CEP131: variants seen among roughly 807,000 people sequenced by gnomAD.
CEP131 encodes the protein centrosomal protein of 131 kDa.
In CEP131, 99 loss-of-function variants were observed where a neutral mutation model predicts 136.8. The observed-to-expected ratio is 0.72, with a 90% confidence interval of 0.62 to 0.86. CEP131 has a LOEUF of 0.86. Ranked by LOEUF, CEP131 falls within the 40% of genes least tolerant of loss-of-function variation. The probability of loss-of-function intolerance (pLI) is 0.00; values close to 1 mark genes in which losing one functional copy is unlikely to be tolerated. For synonymous variants in CEP131, 646 were observed against 612.7 expected, an observed-to-expected ratio of 1.05 and a Z score of -0.80; for missense variants, 1,459 against 1,463.0, an observed-to-expected ratio of 1.00 and a Z score of 0.04.
chr17:81,200,294 G>T, intron 8 of CEP131, 35 bp downstream of exon 8: 1 of 1,535,948 alleles, frequency 6.5e-7, no homozygotes, highest in South Asian at 1.2e-5. Flanking sequence ...AGACCCCCCG[G>T]GGGAGCATGG....
At chr17:81,207,323 C>A (rs1227477197) in intron 3 of CEP131, 84 bp from the exon 4 acceptor site, 2 of 1,242,032 alleles carry the variant, frequency 1.6e-6, no homozygotes, top group South Asian at 2.5e-5. Context: ...GCAGGTCCCG[C>A]GAGGACAGAG....
rs1483170889 is a variant in CEP131, at chr17:81,207,132, T to C, written c.380A>G (p.Asn127Ser). The C allele has an allele frequency of 1.9e-6, 3 of 1,612,076 alleles. No homozygotes were observed. The highest frequency in any genetic ancestry group is 1.7e-5 in the Admixed American group (1 of 59,536). The change falls in exon 4 of 26, where the codon AAC (asparagine) becomes AGC (serine). Residue 127 changes from asparagine to serine, a missense_variant. By Grantham distance (46) the Asn-to-Ser change is conservative. Around this residue, in one of 3 missense-constraint regions of CEP131, gnomAD observed 187 missense variants for 179.9 expected, o/e 1.04. Coordinates refer to ENST00000450824, the MANE Select transcript of CEP131 (RefSeq NM_014984.4). ...TAPSEKGATWNVLDDQPRGFT... is the reference protein window; with the variant it reads ...TAPSEKGATWSVLDDQPRGFT... ...CCGCATGCACCACCTTACCAGGACG[T>C]TCCAGGTGGCTCCCTTCTCGCTGGG... is the stretch of plus-strand genomic sequence containing the variant.
intron 2 of CEP131, among the ~76,000 whole-genome samples, chr17:81,211,807 C>G (rs1012417593): frequency 2.6e-4 from 39 of 152,116 alleles, no homozygotes; most frequent in Admixed American, 1.4e-3. Context: ...GTGGCATGCA[C>G]CTACAGTCCC....
At chr17:81,218,446 A>G (rs1005504386) in intron 2 of CEP131, among the ~76,000 whole-genome samples, 1 of 152,234 alleles carries the variant, frequency 6.6e-6, no homozygotes. Context: ...GGGGTCAGTG[A>G]CGCAGGAGCA....
At chr17:81,205,056 C>T (rs113636207) in intron 5 of CEP131, among the ~76,000 whole-genome samples, 3 of 151,902 alleles carry the variant, frequency 2.0e-5, no homozygotes, top group Non-Finnish European at 4.4e-5. Context: ...GTTAGGGGTT[C>T]GAGACCAGTC....
chr17:81,198,766 C>T, intron 11 of CEP131, 111 bp downstream of exon 11: 1 of 1,108,324 alleles, frequency 9.0e-7, no homozygotes, highest in South Asian at 1.4e-5. Flanking sequence ...GCTTAAGTGG[C>T]CCCTAGAGCA....
Position 81,215,711 on chromosome 17 carries a change from C to T in CEP131, c.177+4169G>A, listed in dbSNP as rs2062231429. Among the ~76,000 whole-genome samples the T allele has an allele frequency of 6.6e-6, 1 of 152,166 alleles. No individual in the cohort carries two copies. The highest frequency in any genetic ancestry group is 6.5e-5 in the Admixed American group (1 of 15,276). ...ACAGGCACGGGCCACCGCACCTGGCCCCCCTTTCAAAATTTTAAATGGACT... is the reference window on the plus strand; with the variant it reads ...ACAGGCACGGGCCACCGCACCTGGCTCCCCTTTCAAAATTTTAAATGGACT... On this transcript the variant is annotated intron_variant, in intron 2 of 25. Coordinates refer to ENST00000450824, the MANE Select transcript of CEP131 (RefSeq NM_014984.4). This position sits in a 1 kb window ranked among gnomAD's most constrained non-coding sequence, Gnocchi z 4.1.
At position 81,199,497 on chromosome 17, in the gene CEP131, C is replaced by A. The variant is rs773772896; in HGVS notation, c.1076G>T (p.Arg359Leu). The A allele has an allele frequency of 3.1e-6, 5 of 1,608,986 alleles. No individual in the cohort carries two copies. In the East Asian group the frequency reaches 1.1e-4, roughly 36 times the overall value. The change falls in exon 10 of 26, where the codon CGT becomes CTT. Residue 359 changes from arginine to leucine, a missense_variant. By Grantham distance (102) the Arg-to-Leu change is moderately radical. Coordinates refer to ENST00000450824, the MANE Select transcript of CEP131 (RefSeq NM_014984.4). Reference protein sequence around the residue: ...LRAQKASTAERGPPENPRETR... With the variant: ...LRAQKASTAELGPPENPRETR... ...CTCCCTGGGATTCTCAGGTGGCCCA[C>A]GCTCGGCAGTGCTCGCCTTCTGGGC...
At chr17:81,199,352 G>C (rs754402192) in intron 10 of CEP131, 29 bp downstream of exon 10, 2 of 1,574,254 alleles carry the variant, frequency 1.3e-6, no homozygotes, top group Non-Finnish European at 1.7e-6. Context: ...CCACCCCCCA[G>C]AGCAGGGCGG....
intron 16 of CEP131, among the ~76,000 whole-genome samples, chr17:81,195,406 G>A (rs1032057839): frequency 6.6e-6 from 1 of 152,246 alleles, no homozygotes; most frequent in African/African-American, 2.4e-5. Context: ...AAGCTGGTGG[G>A]AAGCATAGCC....
Position 81,192,576 on chromosome 17 carries a change from T to TCCAGCTCCGCCCGCTGCTA in CEP131, c.2446_2447insTAGCAGCGGGCGGAGCTGG (p.Glu816ValfsTer27). On this transcript the variant is annotated frameshift_variant, in exon 20 of 26. Transcript: ENST00000450824. LOFTEE classifies it high-confidence loss of function. ...CTCCTCCAGCTGCTGCCTCAGCTCTTCCAGCTCCGCCCGCTGCCTGCGGCC... is the reference window on the plus strand; with the variant it reads ...CTCCTCCAGCTGCTGCCTCAGCTCTTCCAGCTCCGCCCGCTGCTACCAGCTCCGCCCGCTGCCTGCGGCC... The TCCAGCTCCGCCCGCTGCTA allele has an allele frequency of 6.2e-7, 1 of 1,604,336 alleles. No individual in the cohort carries two copies. Among genetic ancestry groups the TCCAGCTCCGCCCGCTGCTA allele is most frequent in the Non-Finnish European group, 8.5e-7 (1 of 1,177,660 alleles).
Position 81,197,866 on chromosome 17 carries a change from G to C in CEP131, c.1493C>G (p.Thr498Arg), listed in dbSNP as rs1324029929. 1.2e-6 allele frequency: 2 copies of C among 1,612,946 alleles called. No individual in the cohort carries two copies. The highest frequency in any genetic ancestry group is 4.5e-5 in the East Asian group (2 of 44,874). The change falls in exon 13 of 26, where the codon ACA becomes AGA. Residue 498 changes from threonine to arginine, a missense_variant. Around this residue, in one of 3 missense-constraint regions of CEP131, gnomAD observed 1,026 missense variants for 964.2 expected, o/e 1.06. Coordinates refer to ENST00000450824, the MANE Select transcript of CEP131 (RefSeq NM_014984.4). Reference protein sequence around the residue: ...ASEEDDASSLTADNLEKFGKL... With the variant: ...ASEEDDASSLRADNLEKFGKL... ...TCCAAATTTCTCCAAGTTGTCAGCTGTCAGAGAGCTGGCGTCATCCTCCTG... is the reference window on the plus strand; with the variant it reads ...TCCAAATTTCTCCAAGTTGTCAGCTCTCAGAGAGCTGGCGTCATCCTCCTG...
chr17:81,200,450 C>G lies in CEP131; in HGVS notation c.789-4G>C, dbSNP rs2061866546. ...CTGGTTCACCTGGTGGATAAACCTG[C>G]CCGGAGAGCAGGACTCAGGGCCAAG... On this transcript the variant is annotated splice_region_variant and splice_polypyrimidine_tract_variant and intron_variant, in intron 7 of 25. Transcript: ENST00000450824. 6.5e-7 allele frequency: 1 copy of G among 1,545,642 alleles called. No homozygotes were observed. The highest frequency in any genetic ancestry group is 2.4e-5 in the East Asian group (1 of 40,858).
intron 13 of CEP131, 68 bp downstream of exon 13, chr17:81,197,644 G>C (rs538858398): frequency 6.6e-6 from 10 of 1,523,142 alleles, no homozygotes; most frequent in Middle Eastern, 2.4e-4. Flanking sequence ...CCTCCCCCGA[G>C]GGCCAGGTGC....
At chr17:81,201,813 T>C (rs1475702945) in intron 7 of CEP131, among the ~76,000 whole-genome samples, 3 of 152,114 alleles carry the variant, frequency 2.0e-5, no homozygotes, top group African/African-American at 7.2e-5. Flanking sequence ...CTCAATATTT[T>C]AAAACAGGCC....
Position 81,190,656 on chromosome 17 carries a change from C to T in CEP131, c.3090G>A (p.Leu1030=), listed in dbSNP as rs1300827935. 6.3e-7 allele frequency: 1 copy of T among 1,595,434 alleles called. No individual in the cohort carries two copies. Among genetic ancestry groups the T allele is most frequent in the African/African-American group, 1.3e-5 (1 of 74,702 alleles). ...CCGCCCACCTCCGGTGCACCTCCTC[C>T]AGCTCCAGCTGCTGGCGGGCCTGCA... is the stretch of plus-strand genomic sequence containing the variant. The part of the protein sequence containing the change: ...ATLQARQQLE[L]EEVHRRVKTA... The change falls in exon 24 of 26, where the codon CTG becomes CTA. Residue 1030 remains leucine, a synonymous_variant. Transcript: ENST00000450824.
rs566262991 is a variant in CEP131 at position 81,208,738 on chromosome 17, C to T, written c.272+190G>A. Reference sequence around the variant, plus strand: ...GAGAGTGTCTGCCTCAGGCCTCCCGCCCCAATGCGAGAGGAGGCCTGGGAC... The same window carrying T: ...GAGAGTGTCTGCCTCAGGCCTCCCGTCCCAATGCGAGAGGAGGCCTGGGAC... On this transcript the variant is annotated intron_variant, in intron 3 of 25. Coordinates refer to ENST00000450824, the MANE Select transcript of CEP131 (RefSeq NM_014984.4). This position sits in a 1 kb window ranked among gnomAD's most constrained non-coding sequence, Gnocchi z 5.6. Among the ~76,000 whole-genome samples the T allele has an allele frequency of 6.6e-6, 1 of 152,222 alleles. No individual in the cohort carries two copies. Among genetic ancestry groups the T allele is most frequent in the African/African-American group, 2.4e-5 (1 of 41,562 alleles).
intron 19 of CEP131, 69 bp downstream of exon 19, chr17:81,192,667 A>AGGGGTGGGGGGGGGGG (rs1567847974): frequency 5.7e-6 from 1 of 176,864 alleles, no homozygotes. Flanking sequence ...TCAGCGGGTG[A>AGGGGTGGGGGGGGGGG]GGGGGCGGGG....
chr17:81,201,045 A>G (rs1044746210), intron 7 of CEP131, among the ~76,000 whole-genome samples: 3 of 152,118 alleles, frequency 2.0e-5, no homozygotes, highest in African/African-American at 4.8e-5. Flanking sequence ...GGCACCTTCT[A>G]TTGTATACAA....
Sources: allele counts gnomAD v4.1 joint callset (sites outside exome capture counted in the v4.1 genomes callset), GRCh38; gene constraint gnomAD v4.1.1; regional missense constraint gnomAD v4.1.1; non-coding constraint Gnocchi (gnomAD v3.1); transcripts MANE v1.5; gene names NCBI Gene and HGNC (gene_info 2026-07-23, HGNC 2026-07-21).